GYPC: variants seen among roughly 807,000 people sequenced by gnomAD.
GYPC encodes glycophorin C (Gerbich blood group).
GYPC carries 14 observed loss-of-function variants against 12.6 expected under a neutral mutation model. The observed-to-expected ratio is 1.11, with a 90% confidence interval of 0.74 to 1.74. The LOEUF is 1.74. Ranked by LOEUF, GYPC falls within the 40% of genes most tolerant of loss-of-function variation. GYPC has a pLI of 0.00. For missense variants in GYPC, 225 were observed against 172.1 expected (o/e 1.31, Z -1.72); for synonymous variants, 78 against 62.1 (o/e 1.26, Z -1.20).
At position 126,669,011 on chromosome 2, in the gene GYPC, C is replaced by T. The variant is rs200812305; in HGVS notation, c.49+12699C>T. 2.0e-4 allele frequency among the ~76,000 whole-genome samples: 30 copies of T among 152,330 alleles called. No individual in the cohort carries two copies. The East Asian group carries it at 5.6e-3, about 28-fold the overall frequency. On this transcript the variant is annotated intron_variant, in intron 1 of 3. Coordinates refer to ENST00000259254, the MANE Select transcript of GYPC (RefSeq NM_002101.5). ...AGCTATGTAGCTACTTAGAGAATAACTTCAAGGAGTATAATTCCCCCAACG... is the reference window on the plus strand; with the variant it reads ...AGCTATGTAGCTACTTAGAGAATAATTTCAAGGAGTATAATTCCCCCAACG...
At chr2:126,693,727 C>A in intron 2 of GYPC, 137 bp from the exon 3 acceptor site, 1 of 733,450 alleles carries the variant, frequency 1.4e-6, no homozygotes, top group East Asian at 2.6e-5. Context: ...GCAGTGGGTG[C>A]GCCGCACTGC....
At chr2:126,685,073 C>T (rs1683248075) in intron 1 of GYPC, among the ~76,000 whole-genome samples, 1 of 152,226 alleles carries the variant, frequency 6.6e-6, no homozygotes, top group African/African-American at 2.4e-5. Flanking sequence ...TGAGACCCTA[C>T]AGCCTGTACA....
intron 1 of GYPC, among the ~76,000 whole-genome samples, chr2:126,670,572 G>T (rs988255064): frequency 6.6e-6 from 1 of 152,190 alleles, no homozygotes; most frequent in African/African-American, 2.4e-5. Context: ...CAAGAAGCAG[G>T]ATATCGCATG....
At chr2:126,686,067 A>G (rs1457157094) in intron 1 of GYPC, 2 of 985,166 alleles carry the variant, frequency 2.0e-6, no homozygotes, top group African/African-American at 1.7e-5. Flanking sequence ...GAGGGGAGCC[A>G]TAGGAGATGG....
chr2:126,688,187 C>G (rs1683344816), intron 1 of GYPC, among the ~76,000 whole-genome samples: 1 of 152,224 alleles, frequency 6.6e-6, no homozygotes, highest in African/African-American at 2.4e-5. Flanking sequence ...GGGAAAATAA[C>G]AGTCCCTTCT....
intron 1 of GYPC, among the ~76,000 whole-genome samples, chr2:126,659,684 C>A (rs1248047370): frequency 1.3e-5 from 2 of 152,042 alleles, no homozygotes; most frequent in African/African-American, 4.8e-5. Flanking sequence ...GATAAAATAA[C>A]AACAAACTTA....
intron 1 of GYPC, among the ~76,000 whole-genome samples, chr2:126,673,079 TG>T: frequency 6.6e-6 from 1 of 152,068 alleles, no homozygotes; most frequent in Admixed American, 6.5e-5. Flanking sequence ...AGAAGGGTAT[TG>T]GGAGGTACTT....
chr2:126,667,591 C>T (rs186496941), intron 1 of GYPC, among the ~76,000 whole-genome samples: 190 of 152,048 alleles, frequency 1.2e-3, no homozygotes, highest in Middle Eastern at 6.8e-3. Flanking sequence ...TTAGTAGAGA[C>T]GGGGTTTCTC....
intron 1 of GYPC, 151 bp downstream of exon 1, chr2:126,656,463 C>A (rs762207497): frequency 9.3e-6 from 6 of 647,052 alleles, no homozygotes; most frequent in Non-Finnish European, 1.5e-5. Context: ...CTCAGATCCC[C>A]GACTCCAGCC....
intron 1 of GYPC, among the ~76,000 whole-genome samples, chr2:126,666,708 T>TACAC (rs67904410): frequency 0.037 from 4,413 of 118,346 alleles, 114 homozygotes; most frequent in Middle Eastern, 0.066. Context: ...CCTCCCTCCC[T>TACAC]ACACACACAC....
intron 2 of GYPC, among the ~76,000 whole-genome samples, chr2:126,691,575 C>T (rs750663112): frequency 3.3e-5 from 5 of 152,118 alleles, no homozygotes; most frequent in African/African-American, 4.8e-5. Flanking sequence ...CACAACCTGC[C>T]CCAAGCACAG....
At chr2:126,691,607 C>G (rs756442710) in intron 2 of GYPC, among the ~76,000 whole-genome samples, 2 of 152,274 alleles carry the variant, frequency 1.3e-5, no homozygotes, top group Non-Finnish European at 2.9e-5. Context: ...ATTTTTCCCC[C>G]TGTATAGTGT....
intron 1 of GYPC, among the ~76,000 whole-genome samples, chr2:126,677,726 C>T (rs764163306): frequency 4.6e-5 from 7 of 152,054 alleles, no homozygotes; most frequent in Non-Finnish European, 8.8e-5. Context: ...CACGAGGGTC[C>T]GGGAGGGGTG....
intron 1 of GYPC, among the ~76,000 whole-genome samples, chr2:126,664,607 T>A (rs1319976174): frequency 6.6e-6 from 1 of 152,206 alleles, no homozygotes; most frequent in African/African-American, 2.4e-5. Context: ...TTTATACCAG[T>A]GCAGCTATAC....
At chr2:126,661,215 G>C (rs1453080061) in intron 1 of GYPC, among the ~76,000 whole-genome samples, 1 of 152,062 alleles carries the variant, frequency 6.6e-6, no homozygotes, top group Non-Finnish European at 1.5e-5. Flanking sequence ...CTGCAGTTCT[G>C]ACCCCTTCAC....
chr2:126,675,288 GAC>G (rs2104786150), intron 1 of GYPC, among the ~76,000 whole-genome samples: 1 of 152,336 alleles, frequency 6.6e-6, no homozygotes, highest in East Asian at 1.9e-4. Flanking sequence ...TAGAATCTGA[GAC>G]ACATCTTAAT....
chr2:126,694,695 A>C (rs975875336), intron 3 of GYPC, among the ~76,000 whole-genome samples: 24 of 152,074 alleles, frequency 1.6e-4, no homozygotes, highest in Non-Finnish European at 2.9e-5. Flanking sequence ...GGCAGTAGGA[A>C]GTTTAGGAAA....
At chr2:126,690,348 C>A in intron 2 of GYPC, 37 bp downstream of exon 2, 4 of 1,455,454 alleles carry the variant, frequency 2.7e-6, no homozygotes, top group Non-Finnish European at 3.9e-6. Context: ...ATAATGGAAA[C>A]TGCCGTGACT....
chr2:126,694,613 A>G (rs1683586677), intron 3 of GYPC, among the ~76,000 whole-genome samples: 1 of 152,160 alleles, frequency 6.6e-6, no homozygotes, highest in Non-Finnish European at 1.5e-5. Flanking sequence ...TCTCCAACTC[A>G]TTGCACCACT....
Sources: allele counts gnomAD v4.1 joint callset (sites outside exome capture counted in the v4.1 genomes callset), GRCh38; gene constraint gnomAD v4.1.1; transcripts MANE v1.5; gene names NCBI Gene and HGNC (gene_info 2026-07-23, HGNC 2026-07-21).